The following NRG1 variants were observed in gnomAD, a reference collection of about 807,000 sequenced individuals.
The protein encoded by NRG1 is pro-neuregulin-1, membrane-bound isoform.
In NRG1, 18 loss-of-function variants were observed where a neutral mutation model predicts 63.8. The ratio of observed to expected loss-of-function variants is 0.28; its 90% CI spans 0.19 to 0.42. NRG1 has a LOEUF of 0.42. NRG1 is among the 10% of genes least tolerant of loss of function. The pLI is 1.00. For synonymous variants in NRG1, 302 were observed against 301.3 expected, an observed-to-expected ratio of 1.00 and a Z score of -0.02; for missense variants, 762 against 814.7, an observed-to-expected ratio of 0.94 and a Z score of 0.79.
At chr8:32,180,842 G>C (rs969534483) in intron 1 of NRG1, among the ~76,000 whole-genome samples, 1 of 151,930 alleles carries the variant, frequency 6.6e-6, no homozygotes, top group Admixed American at 6.6e-5. Context: ...TTTGTAAATA[G>C]TCCTCTTAGA....
chr8:32,599,188 A>G (rs1272486171), intron 2 of NRG1, among the ~76,000 whole-genome samples: 6 of 152,094 alleles, frequency 3.9e-5, no homozygotes, highest in Non-Finnish European at 2.9e-5. Context: ...ATGATTTTTA[A>G]TTACTAAGAT....
At chr8:32,228,795 A>G (rs1179661363) in intron 1 of NRG1, among the ~76,000 whole-genome samples, 1 of 152,224 alleles carries the variant, frequency 6.6e-6, no homozygotes, top group Non-Finnish European at 1.5e-5. Context: ...CATATGTCAT[A>G]TCTTAGTATA....
intron 5 of NRG1, among the ~76,000 whole-genome samples, chr8:32,685,641 A>C (rs1057293311): frequency 6.6e-6 from 1 of 152,226 alleles, no homozygotes; most frequent in African/African-American, 2.4e-5. Flanking sequence ...TTCAACTTTA[A>C]AATAATAATA....
At chr8:31,941,512 T>C (rs1331671850) in intron 1 of NRG1, among the ~76,000 whole-genome samples, 1 of 152,160 alleles carries the variant, frequency 6.6e-6, no homozygotes, top group African/African-American at 2.4e-5. Flanking sequence ...TCACCACTTC[T>C]ATTCAACATC....
intron 1 of NRG1, among the ~76,000 whole-genome samples, chr8:31,690,510 C>T (rs144301917): frequency 3.9e-4 from 60 of 152,208 alleles, no homozygotes; most frequent in African/African-American, 1.1e-3. Flanking sequence ...AGCAGGAGAG[C>T]GTGTGCAGAC....
At chr8:32,487,050 TA>T (rs1470302187) in intron 1 of NRG1, among the ~76,000 whole-genome samples, 12 of 152,176 alleles carry the variant, frequency 7.9e-5, no homozygotes, top group South Asian at 2.1e-4. Context: ...AAATAAATCA[TA>T]TTTTTTTAAT....
chr8:31,698,491 A>T (rs1810313842), intron 1 of NRG1, among the ~76,000 whole-genome samples: 2 of 152,240 alleles, frequency 1.3e-5, no homozygotes, highest in Non-Finnish European at 2.9e-5. Context: ...AAGAGCCCTT[A>T]GGCTAACTTT....
At chr8:32,001,592 T>C (rs570378946) in intron 1 of NRG1, among the ~76,000 whole-genome samples, 2 of 152,050 alleles carry the variant, frequency 1.3e-5, no homozygotes, top group Non-Finnish European at 2.9e-5. Context: ...TTTTCACCTT[T>C]GTCTTCCAGG....
chr8:31,733,233 G>C (rs1291363245), intron 1 of NRG1, among the ~76,000 whole-genome samples: 2 of 151,382 alleles, frequency 1.3e-5, no homozygotes, highest in African/African-American at 2.4e-5. Context: ...GGACACTTAG[G>C]TTGATTCCAT....
intron 1 of NRG1, among the ~76,000 whole-genome samples, chr8:31,853,080 A>C (rs957601046): frequency 6.6e-6 from 1 of 151,862 alleles, no homozygotes; most frequent in Non-Finnish European, 1.5e-5. Flanking sequence ...CTCAGGATTG[A>C]CTTGGCGATG....
chr8:32,048,369 A>G (rs1394653036), intron 1 of NRG1, among the ~76,000 whole-genome samples: 1 of 148,896 alleles, frequency 6.7e-6, no homozygotes, highest in Non-Finnish European at 1.5e-5. Flanking sequence ...ATGCATGTAT[A>G]CATATATATG....
At chr8:32,743,132 G>T in intron 7 of NRG1, 1 of 999,762 alleles carries the variant, frequency 1.0e-6, no homozygotes, top group Non-Finnish European at 1.2e-6. Flanking sequence ...TGAAAAGGGT[G>T]TTGCTAAGCT....
intron 1 of NRG1, among the ~76,000 whole-genome samples, chr8:32,279,721 T>G (rs895066280): frequency 6.6e-6 from 1 of 152,224 alleles, no homozygotes; most frequent in African/African-American, 2.4e-5. Context: ...TAATTTGGAT[T>G]TTATTTGAAT....
At chr8:32,535,256 G>C (rs558316766) in intron 1 of NRG1, among the ~76,000 whole-genome samples, 1 of 152,264 alleles carries the variant, frequency 6.6e-6, no homozygotes, top group African/African-American at 2.4e-5. Context: ...AGGCCAAAAA[G>C]TTTGCTGTTT....
chr8:31,886,538 T>A (rs1422910070), intron 1 of NRG1, among the ~76,000 whole-genome samples: 1 of 152,114 alleles, frequency 6.6e-6, no homozygotes, highest in African/African-American at 2.4e-5. Context: ...GAACTGCTTT[T>A]AATGACAAGG....
chr8:31,907,227 T>A (rs11314574), intron 1 of NRG1, among the ~76,000 whole-genome samples: 61,424 of 151,532 alleles, frequency 0.41, 13,011 homozygotes, highest in African/African-American at 0.53. Context: ...CCTGATGGGT[T>A]GATGCCACAG....
downstream of NRG1, among the ~76,000 whole-genome samples, chr8:32,771,706 T>TAAAAAAAA (rs36131405): frequency 0.23 from 18,018 of 79,374 alleles, 2,648 homozygotes; most frequent in Middle Eastern, 0.37. Context: ...TCCATTTCTT[T>TAAAAAAAA]AAAAAAAAAA....
chr8:32,499,445 GGCTCAAGTGGGAGAATT>G (rs200067238), intron 1 of NRG1, among the ~76,000 whole-genome samples: 4,193 of 152,226 alleles, frequency 0.028, 76 homozygotes, highest in Non-Finnish European at 0.039. Context: ...CATTTTGGGA[GGCTCAAGTGGGAGAATT>G]GCTCGAGGCC....
chr8:32,209,102 C>T (rs1011924241), intron 1 of NRG1, among the ~76,000 whole-genome samples: 1 of 152,026 alleles, frequency 6.6e-6, no homozygotes, highest in Admixed American at 6.6e-5. Flanking sequence ...CTTCAGTTTC[C>T]TCATCTGAAA....
Sources: allele counts gnomAD v4.1 joint callset (sites outside exome capture counted in the v4.1 genomes callset), GRCh38; gene constraint gnomAD v4.1.1; transcripts MANE v1.5; gene names NCBI Gene and HGNC (gene_info 2026-07-23, HGNC 2026-07-21).